FMNL2: variants seen among roughly 807,000 people sequenced by gnomAD.
The protein encoded by FMNL2 is formin like 2.
FMNL2 carries 51 observed loss-of-function variants against 130.2 expected under a neutral mutation model. The ratio of observed to expected loss-of-function variants is 0.39; its 90% confidence interval spans 0.31 to 0.49. The LOEUF (loss-of-function observed/expected upper bound fraction) is 0.49. FMNL2 is among the 20% of genes least tolerant of loss of function. FMNL2 has a pLI of 0.85. For missense variants in FMNL2, 977 were observed against 1,316.2 expected (o/e 0.74, Z 3.99); for synonymous variants, 465 against 467.1 (o/e 1.00, Z 0.06).
At chr2:152,533,218 A>G (rs2346183) in intron 2 of FMNL2, among the ~76,000 whole-genome samples, 29,920 of 152,004 alleles carry the variant, frequency 0.2, 3,188 homozygotes, top group Non-Finnish European at 0.25. Context: ...GTTTTAGTCT[A>G]TAATCTATTT....
At chr2:152,460,986 G>C (rs566802584) in intron 1 of FMNL2, among the ~76,000 whole-genome samples, 2 of 152,234 alleles carry the variant, frequency 1.3e-5, no homozygotes, top group South Asian at 4.2e-4. Flanking sequence ...TCTCCCCCTT[G>C]CCTCCCCACT....
intron 1 of FMNL2, among the ~76,000 whole-genome samples, chr2:152,466,656 T>G (rs1689560228): frequency 6.6e-6 from 1 of 152,206 alleles, no homozygotes; most frequent in African/African-American, 2.4e-5. Flanking sequence ...TTCCTTTGTC[T>G]TCCTTCATAA....
At chr2:152,644,717 C>T (rs1683390633) in intron 25 of FMNL2, among the ~76,000 whole-genome samples, 1 of 152,200 alleles carries the variant, frequency 6.6e-6, no homozygotes, top group South Asian at 2.1e-4. Flanking sequence ...ATGTCAAACC[C>T]AGGCTATTTC....
Position 152,643,796 on chromosome 2 carries a change from A to T in FMNL2, c.3169+2882A>T, listed in dbSNP as rs1488992290. 4 of 985,346 alleles carry T rather than the reference A, an allele frequency of 4.1e-6. No individual in the cohort carries two copies. The Admixed American group carries it at 2.5e-4, about 61-fold the overall frequency. 61.0% of individuals were successfully genotyped at this position (985,346 alleles called of 1,614,324 possible). Reference sequence around the variant, plus strand: ...GAATTGTTCACAGAAATTTTCAGAAAAATAGAGCAAAAATATTAAGAGCAC... The same window carrying T: ...GAATTGTTCACAGAAATTTTCAGAATAATAGAGCAAAAATATTAAGAGCAC... On this transcript the variant is annotated intron_variant, in intron 25 of 25. Coordinates refer to ENST00000288670, the MANE Select transcript of FMNL2 (RefSeq NM_052905.4).
rs572956288 is a variant in FMNL2, at chr2:152,345,086, TGA to T, written c.117+9370_117+9371del. 3.0e-3 allele frequency among the ~76,000 whole-genome samples: 461 copies of T among 152,318 alleles called. 2 individuals are homozygous for T. The highest frequency in any genetic ancestry group is 5.0e-3 in the Admixed American group (77 of 15,302). ...GACAGCATATGTGGTTTTCTGGAACTGAGAGGATAGTAGCAATTATTGTTTCA... is the reference window on the plus strand; with the variant it reads ...GACAGCATATGTGGTTTTCTGGAACTGAGGATAGTAGCAATTATTGTTTCA... On this transcript the variant is annotated intron_variant, in intron 1 of 25. Coordinates refer to ENST00000288670, the MANE Select transcript of FMNL2 (RefSeq NM_052905.4).
intron 21 of FMNL2, among the ~76,000 whole-genome samples, chr2:152,635,302 C>T (rs1682498677): frequency 6.6e-6 from 1 of 152,174 alleles, no homozygotes; most frequent in Non-Finnish European, 1.5e-5. Flanking sequence ...CTAAGCTCTT[C>T]ATCTTCAAGG....
intron 14 of FMNL2, 34 bp downstream of exon 14, chr2:152,619,192 T>C: frequency 6.6e-7 from 1 of 1,517,594 alleles, no homozygotes; most frequent in Non-Finnish European, 8.8e-7. Context: ...TGAGGAAGTT[T>C]TGGAATATTT....
intron 2 of FMNL2, among the ~76,000 whole-genome samples, chr2:152,528,395 G>C (rs1408479123): frequency 2.0e-5 from 3 of 152,082 alleles, no homozygotes; most frequent in African/African-American, 7.2e-5. Context: ...GCTGTTGACT[G>C]GGCCTTGTTC....
chr2:152,454,704 A>G (rs575235576), intron 1 of FMNL2, among the ~76,000 whole-genome samples: 21 of 152,348 alleles, frequency 1.4e-4, no homozygotes, highest in African/African-American at 3.8e-4. Context: ...CTTCATTAAG[A>G]TCAAGGCCTA....
In FMNL2 at chr2:152,416,807, C is replaced by T. The variant is rs112545102; in HGVS notation, c.117+81087C>T. On this transcript the variant is annotated intron_variant, in intron 1 of 25. Coordinates refer to ENST00000288670, the MANE Select transcript of FMNL2 (RefSeq NM_052905.4). ...ACAGCCAAGGCATGAAAATGTGGAT[C>T]AAGTAGGCAAATGGAATTAAAAATA... Among the ~76,000 whole-genome samples the T allele has an allele frequency of 1.4e-4, 22 of 152,284 alleles. 1 individual carries two copies. Among genetic ancestry groups the T allele is most frequent in the African/African-American group, 4.8e-4 (20 of 41,556 alleles).
At chr2:152,634,442 A>G (rs1188646874) in intron 21 of FMNL2, among the ~76,000 whole-genome samples, 1 of 152,244 alleles carries the variant, frequency 6.6e-6, no homozygotes, top group African/African-American at 2.4e-5. Context: ...TCAAAAACAA[A>G]CAAACAAAAT....
chr2:152,607,672 A>G (rs757624384), intron 10 of FMNL2: 34 of 283,272 alleles, frequency 1.2e-4, no homozygotes, highest in Non-Finnish European at 2.1e-4. Flanking sequence ...GAAGCCGTGC[A>G]GTTGGAAACA....
chr2:152,403,016 A>C (rs1272276688), intron 1 of FMNL2, among the ~76,000 whole-genome samples: 1 of 152,096 alleles, frequency 6.6e-6, no homozygotes, highest in East Asian at 1.9e-4. Context: ...AGTTTCGAGG[A>C]GTACTGGTCA....
At chr2:152,407,646 G>T (rs886308353) in intron 1 of FMNL2, among the ~76,000 whole-genome samples, 3 of 152,194 alleles carry the variant, frequency 2.0e-5, no homozygotes, top group Non-Finnish European at 2.9e-5. Context: ...CATTGAGTCT[G>T]TTGGCTCTGG....
chr2:152,584,249 G>C (rs780720377), intron 9 of FMNL2, among the ~76,000 whole-genome samples: 5 of 152,058 alleles, frequency 3.3e-5, no homozygotes, highest in African/African-American at 4.8e-5. Flanking sequence ...TGTGCAGATA[G>C]GGTTTTGTTC....
chr2:152,401,842 A>G (rs1272854283), intron 1 of FMNL2, among the ~76,000 whole-genome samples: 2 of 150,684 alleles, frequency 1.3e-5, no homozygotes, highest in Non-Finnish European at 3.0e-5. Flanking sequence ...CCAAAAAGAG[A>G]GAGGCAGAGA....
chr2:152,574,805 T>C (rs544896303), intron 6 of FMNL2, among the ~76,000 whole-genome samples: 15 of 152,188 alleles, frequency 9.9e-5, no homozygotes, highest in Non-Finnish European at 1.8e-4. Context: ...ATAAGAAAGA[T>C]AGAGGAAGGG....
chr2:152,343,541 C>G (rs141567697), intron 1 of FMNL2, among the ~76,000 whole-genome samples: 1 of 145,934 alleles, frequency 6.9e-6, no homozygotes, highest in African/African-American at 2.5e-5. Flanking sequence ...AGTGATCCAC[C>G]AGTCTTGACA....
intron 1 of FMNL2, among the ~76,000 whole-genome samples, chr2:152,446,549 A>G (rs1241122159): frequency 6.6e-6 from 1 of 152,236 alleles, no homozygotes; most frequent in Non-Finnish European, 1.5e-5. Context: ...GCTCTTAGAG[A>G]AACTAAATAC....
Sources: allele counts gnomAD v4.1 joint callset (sites outside exome capture counted in the v4.1 genomes callset), GRCh38; gene constraint gnomAD v4.1.1; transcripts MANE v1.5; gene names NCBI Gene and HGNC (gene_info 2026-07-23, HGNC 2026-07-21).